Variants in ARMH3 observed in about 807,000 individuals in gnomAD.
The protein encoded by ARMH3 is armadillo like helical domain containing 3.
A neutral mutation model predicts 99.1 loss-of-function variants in ARMH3; 60 were observed. The ratio of observed to expected loss-of-function variants is 0.61; its 90% CI spans 0.49 to 0.75. ARMH3 has a LOEUF of 0.75. Among genes scored for constraint, ARMH3 ranks in the 30% least tolerant of loss-of-function variants. The pLI is 0.00. For synonymous variants in ARMH3, 285 were observed against 292.8 expected (o/e 0.97, Z 0.27); for missense variants, 679 against 843.1 (o/e 0.81, Z 2.41).
chr10:101,868,345 A>G (rs1210116516), intron 24 of ARMH3, among the ~76,000 whole-genome samples: 1 of 152,246 alleles, frequency 6.6e-6, no homozygotes, highest in Non-Finnish European at 1.5e-5. Flanking sequence ...AACATGAACC[A>G]TTCTATGATA....
At chr10:101,989,569 A>C (rs1846672450) in intron 19 of ARMH3, among the ~76,000 whole-genome samples, 2 of 151,902 alleles carry the variant, frequency 1.3e-5, no homozygotes, top group South Asian at 4.2e-4. Context: ...AAAAATACAA[A>C]AATTAGCAGG....
chr10:101,938,075 G>C (rs544836124), intron 23 of ARMH3, among the ~76,000 whole-genome samples: 1 of 151,972 alleles, frequency 6.6e-6, no homozygotes, highest in East Asian at 1.9e-4. Flanking sequence ...CACTATGTTG[G>C]CCAGGCTGGT....
intron 13 of ARMH3, 97 bp from the exon 14 acceptor site, chr10:102,006,730 AT>A (rs2066498739): frequency 1.1e-5 from 13 of 1,192,728 alleles, no homozygotes; most frequent in Non-Finnish European, 1.5e-5. Flanking sequence ...TCTGGACCTT[AT>A]AATTTTTTTT....
rs918531341 is a variant in ARMH3, at chr10:101,995,305, T to C, written c.1201A>G (p.Ile401Val). 7 of 1,613,614 alleles carry C rather than the reference T, an allele frequency of 4.3e-6. No individual in the cohort carries two copies. The African/African-American group carries it at 6.7e-5, about 15-fold the overall frequency. The change falls in exon 16 of 26, where the codon ATT (isoleucine) becomes GTT (valine). Residue 401 changes from isoleucine to valine, a missense_variant. This residue lies in a region of ARMH3 where 389 missense variants were observed against 456.5 expected (regional missense o/e 0.85). Coordinates refer to ENST00000370033, the MANE Select transcript of ARMH3 (RefSeq NM_024541.3). ...GKLCLIILTCIAEDQYANAFL... is the reference protein window; with the variant it reads ...GKLCLIILTCVAEDQYANAFL... ...AGGCTCGTGAGACCTACCTCTGCAA[T>C]ACATGTAAGGATAATCAGACAGAGT... is the stretch of plus-strand genomic sequence containing the variant.
At chr10:101,956,501 A>G (rs1478209511) in intron 22 of ARMH3, 96 bp downstream of exon 22, 1 of 1,482,702 alleles carries the variant, frequency 6.7e-7, no homozygotes, top group East Asian at 2.3e-5. Flanking sequence ...ACAGGGCACC[A>G]AACAACTAGA....
chr10:102,040,670 C>T (rs1469049308), intron 1 of ARMH3, among the ~76,000 whole-genome samples: 1 of 152,098 alleles, frequency 6.6e-6, no homozygotes. Context: ...TGCCAGTGGA[C>T]AAGGCTTAAA....
At chr10:102,035,504 C>A (rs2067233610) in intron 2 of ARMH3, among the ~76,000 whole-genome samples, 1 of 152,248 alleles carries the variant, frequency 6.6e-6, no homozygotes, top group African/African-American at 2.4e-5. Context: ...AACCTCCCTG[C>A]CTGATTCTCC....
chr10:101,938,937 G>A (rs1216254737), intron 23 of ARMH3, among the ~76,000 whole-genome samples: 1 of 152,160 alleles, frequency 6.6e-6, no homozygotes, highest in African/African-American at 2.4e-5. Flanking sequence ...ATGCCCAGAT[G>A]TGCCAAACAG....
chr10:101,918,132 C>T (rs1843156711), intron 23 of ARMH3, among the ~76,000 whole-genome samples: 1 of 152,098 alleles, frequency 6.6e-6, no homozygotes. Flanking sequence ...CGGCTGACTG[C>T]AACCTGCACC....
intron 2 of ARMH3, among the ~76,000 whole-genome samples, chr10:102,036,037 G>A (rs1173250335): frequency 2.0e-5 from 3 of 151,388 alleles, no homozygotes; most frequent in Non-Finnish European, 4.4e-5. Context: ...TGGGAGGTGG[G>A]GAGCGTCTCC....
rs367786336 is a variant in ARMH3 at position 101,999,752 on chromosome 10, G to T, written c.1150+2219C>A. On this transcript the variant is annotated intron_variant, in intron 15 of 25. Transcript: ENST00000370033. ...AGGTGATACATGTTAAAATATTTAT[G>T]TGTAAAGCAGAATCATGATGTCTGC... 4.7e-4 allele frequency among the ~76,000 whole-genome samples: 72 copies of T among 152,232 alleles called. No individual in the cohort carries two copies. In the Middle Eastern group the frequency reaches 0.01, roughly 22 times the overall value.
At chr10:101,974,564 T>C (rs1485793096) in intron 20 of ARMH3, among the ~76,000 whole-genome samples, 1 of 152,194 alleles carries the variant, frequency 6.6e-6, no homozygotes, top group Non-Finnish European at 1.5e-5. Context: ...CCAGCATTAA[T>C]TGTACCCTTA....
intron 23 of ARMH3, among the ~76,000 whole-genome samples, chr10:101,937,346 C>T (rs541491484): frequency 2.6e-5 from 4 of 152,112 alleles, no homozygotes; most frequent in African/African-American, 7.2e-5. Context: ...GGTGAAACCA[C>T]ATCTCTACAA....
intron 20 of ARMH3, among the ~76,000 whole-genome samples, chr10:101,958,264 C>G (rs758985080): frequency 6.6e-6 from 1 of 152,130 alleles, no homozygotes; most frequent in Non-Finnish European, 1.5e-5. Context: ...GAAAAAAAGC[C>G]CTTAACTGCT....
intron 23 of ARMH3, among the ~76,000 whole-genome samples, chr10:101,939,480 C>A (rs991120734): frequency 6.6e-6 from 1 of 152,098 alleles, no homozygotes; most frequent in East Asian, 1.9e-4. Context: ...GAAATAGTCA[C>A]GTAAAGTAAA....
At chr10:102,054,267 T>C (rs950818249) in intron 1 of ARMH3, among the ~76,000 whole-genome samples, 5 of 151,656 alleles carry the variant, frequency 3.3e-5, no homozygotes, top group African/African-American at 9.7e-5. Flanking sequence ...TGCGCGCCTG[T>C]AGTCACAGCT....
At chr10:102,050,491 A>T (rs1436216090) in intron 1 of ARMH3, among the ~76,000 whole-genome samples, 5 of 152,074 alleles carry the variant, frequency 3.3e-5, no homozygotes, top group Non-Finnish European at 7.4e-5. Flanking sequence ...TAAATAAATA[A>T]AAAGATTCAG....
At chr10:101,950,165 G>GA (rs1187129033) in intron 22 of ARMH3, among the ~76,000 whole-genome samples, 4 of 151,882 alleles carry the variant, frequency 2.6e-5, no homozygotes, top group African/African-American at 9.7e-5. Context: ...AATAAGGCAA[G>GA]AAAAAGAAAT....
At chr10:101,871,902 G>A (rs2067139497) in intron 24 of ARMH3, among the ~76,000 whole-genome samples, 1 of 152,026 alleles carries the variant, frequency 6.6e-6, no homozygotes, top group African/African-American at 2.4e-5. Context: ...TCAGGAGGCT[G>A]AGGCATGAGA....
Sources: gnomAD v4.1 joint callset for allele counts (sites outside exome capture counted in the v4.1 genomes callset) on GRCh38, gnomAD v4.1.1 for gene constraint, gnomAD v4.1.1 regional missense constraint, MANE v1.5 for transcripts, NCBI Gene and HGNC (gene_info 2026-07-23, HGNC 2026-07-21) for gene names.